PPP1R21: variants seen among roughly 807,000 people sequenced by gnomAD.
The protein encoded by PPP1R21 is KLRAQ motif containing 1.
Under a neutral mutation model 112.8 loss-of-function variants are expected in PPP1R21, and 85 were observed. The ratio of observed to expected loss-of-function variants is 0.75; its 90% confidence interval spans 0.63 to 0.90. PPP1R21 has a LOEUF of 0.90. Ranked by LOEUF, PPP1R21 falls within the 40% of genes least tolerant of loss-of-function variation. The pLI is 0.00. For synonymous variants in PPP1R21, 381 were observed against 322.3 expected (o/e 1.18, Z -1.95); for missense variants, 1,199 against 901.5 (o/e 1.33, Z -4.23).
intron 13 of PPP1R21, 85 bp from the exon 14 acceptor site, chr2:48,486,546 A>G (rs1669306169): frequency 2.0e-6 from 2 of 1,025,538 alleles, no homozygotes; most frequent in African/African-American, 1.6e-5. Flanking sequence ...ATTTAGAAGA[A>G]TAGATAGGAG....
intron 1 of PPP1R21, 28 bp from the exon 2 acceptor site, chr2:48,450,980 A>G (rs1667444277): frequency 1.2e-6 from 2 of 1,602,318 alleles, no homozygotes; most frequent in Non-Finnish European, 1.7e-6. Flanking sequence ...TTATATTAGA[A>G]ATTGATTATT....
intron 13 of PPP1R21, among the ~76,000 whole-genome samples, chr2:48,485,226 A>G (rs1488377309): frequency 2.0e-5 from 3 of 152,124 alleles, no homozygotes; most frequent in Admixed American, 6.5e-5. Context: ...GATGGGCTCA[A>G]TGGAAGCCCA....
chr2:48,483,239 C>T (rs888486193), intron 13 of PPP1R21, among the ~76,000 whole-genome samples: 1 of 107,470 alleles, frequency 9.3e-6, no homozygotes, highest in African/African-American at 3.6e-5. Flanking sequence ...CTCACTCTGT[C>T]ACCCAGGCTG....
At position 48,491,002 on chromosome 2, in the gene PPP1R21, GT is replaced by G; in HGVS notation, c.1447-15del. 1.2e-6 allele frequency: 2 copies of G among 1,609,726 alleles called. No individual in the cohort carries two copies. Among genetic ancestry groups the G allele is most frequent in the Non-Finnish European group, 1.7e-6 (2 of 1,176,284 alleles). On this transcript the variant is annotated splice_polypyrimidine_tract_variant and intron_variant, in intron 14 of 21. Transcript: ENST00000294952. ...GTTGGAAAACAAAATCTATTTCCTTGTCATACTTTGTTTAGATTGCATCCTT... is the reference window on the plus strand; with the variant it reads ...GTTGGAAAACAAAATCTATTTCCTTGCATACTTTGTTTAGATTGCATCCTT...
chr2:48,475,684 C>T (rs778751449), intron 12 of PPP1R21, among the ~76,000 whole-genome samples: 2 of 151,910 alleles, frequency 1.3e-5, no homozygotes, highest in African/African-American at 2.4e-5. Flanking sequence ...CTCATCTCTA[C>T]TAAAAATACA....
intron 1 of PPP1R21, among the ~76,000 whole-genome samples, chr2:48,441,828 A>C (rs1461741108): frequency 6.6e-6 from 1 of 152,262 alleles, no homozygotes; most frequent in African/African-American, 2.4e-5. Context: ...AATTGATTCA[A>C]CAGTCATTAA....
rs376618455 is a variant in PPP1R21, at chr2:48,510,021, G to A, written c.2092G>A (p.Ala698Thr). 10 of 1,612,180 alleles carry A rather than the reference G, an allele frequency of 6.2e-6. No homozygotes were observed. Among genetic ancestry groups the A allele is most frequent in the Non-Finnish European group, 8.5e-6 (10 of 1,178,790 alleles). ...KSVHFYAECRALSKRLALAEK... is the reference protein window; with the variant it reads ...KSVHFYAECRTLSKRLALAEK... ...ATGTTTTCTGATTTTACAGTGCCGA[G>A]CACTGTCTAAAAGACTGGCCTTGGC... The change falls in exon 20 of 22, where the codon GCA becomes ACA. Residue 698 changes from alanine to threonine, a missense_variant. Ala to Thr is a moderately conservative substitution (Grantham distance 58). Coordinates refer to ENST00000294952, the MANE Select transcript of PPP1R21 (RefSeq NM_001135629.3).
intron 13 of PPP1R21, 34 bp downstream of exon 13, chr2:48,480,050 T>G (rs1572865628): frequency 1.4e-6 from 2 of 1,384,208 alleles, no homozygotes; most frequent in Non-Finnish European, 2.1e-6. Context: ...GCTTAAAACC[T>G]TTGCCCCACT....
intron 12 of PPP1R21, chr2:48,479,361 C>T (rs934974508): frequency 2.5e-6 from 1 of 401,390 alleles, no homozygotes; most frequent in South Asian, 1.9e-5. Flanking sequence ...GGTTTAAATA[C>T]CGTAGCCTCT....
chr2:48,514,703 T>G lies in PPP1R21; in HGVS notation c.2314-12T>G. The G allele has an allele frequency of 6.3e-7, 1 of 1,584,650 alleles. No homozygotes were observed. Among genetic ancestry groups the G allele is most frequent in the Non-Finnish European group, 8.7e-7 (1 of 1,154,828 alleles). The stretch of plus-strand genomic sequence containing the variant: ...GTTTATGTTCTTATTGTTGATATTT[T>G]TCTTTGCACAGGGGAATTCTAAAAA... On this transcript the variant is annotated splice_polypyrimidine_tract_variant and intron_variant, in intron 21 of 21. Transcript: ENST00000294952.
At chr2:48,513,257 T>G (rs1295907460) in intron 21 of PPP1R21, among the ~76,000 whole-genome samples, 2 of 151,714 alleles carry the variant, frequency 1.3e-5, no homozygotes, top group African/African-American at 2.4e-5. Context: ...CAGGCTGGAG[T>G]GCAGTGGTGA....
intron 21 of PPP1R21, among the ~76,000 whole-genome samples, chr2:48,514,073 CTTTTTT>C (rs1225415838): frequency 6.7e-5 from 6 of 89,902 alleles, no homozygotes; most frequent in Non-Finnish European, 1.3e-4. Flanking sequence ...GAGACATGTT[CTTTTTT>C]TTTTTTTTTT....
At chr2:48,485,558 G>A (rs896459590) in intron 13 of PPP1R21, among the ~76,000 whole-genome samples, 4 of 151,806 alleles carry the variant, frequency 2.6e-5, no homozygotes, top group African/African-American at 9.7e-5. Flanking sequence ...AATCAAAGAC[G>A]TATTTATTAC....
intron 1 of PPP1R21, among the ~76,000 whole-genome samples, chr2:48,450,013 A>G (rs957615528): frequency 2.0e-5 from 3 of 152,338 alleles, no homozygotes; most frequent in African/African-American, 7.2e-5. Context: ...ATATAGATGT[A>G]TACATAAGTA....
chr2:48,477,021 A>G (rs1315740641), intron 12 of PPP1R21, among the ~76,000 whole-genome samples: 1 of 151,888 alleles, frequency 6.6e-6, no homozygotes, highest in African/African-American at 2.4e-5. Flanking sequence ...CTGCTGTCAA[A>G]TCTGAGGTTA....
intron 1 of PPP1R21, among the ~76,000 whole-genome samples, chr2:48,445,748 A>G (rs532172425): frequency 5.9e-5 from 9 of 152,356 alleles, no homozygotes; most frequent in Admixed American, 3.3e-4. Flanking sequence ...TTTGAGGCAG[A>G]TGTGAGTTTT....
chr2:48,484,073 C>A (rs933611975), intron 13 of PPP1R21, among the ~76,000 whole-genome samples: 2 of 152,214 alleles, frequency 1.3e-5, no homozygotes, highest in Non-Finnish European at 2.9e-5. Context: ...AAATCATAGG[C>A]TGTGACTCCT....
chr2:48,509,712 G>GA (rs1185949330), intron 19 of PPP1R21, among the ~76,000 whole-genome samples: 2 of 149,782 alleles, frequency 1.3e-5, no homozygotes, highest in Admixed American at 6.7e-5. Flanking sequence ...CTCAAAAAAA[G>GA]AAAAAAAAAG....
rs1467994524 is a variant in PPP1R21 at position 48,459,683 on chromosome 2, C to T, written c.376-71C>T. Reference sequence around the variant, plus strand: ...ATGTGGAAGTTGCTCAGTGAATAGTCACTGCTGTTATTTTTCTCATTTATG... The same window carrying T: ...ATGTGGAAGTTGCTCAGTGAATAGTTACTGCTGTTATTTTTCTCATTTATG... On this transcript the variant is annotated intron_variant, in intron 4 of 21. Transcript: ENST00000294952. The T allele has an allele frequency of 2.6e-6, 4 of 1,513,956 alleles. No individual in the cohort carries two copies. The East Asian group carries it at 6.9e-5, about 26-fold the overall frequency. The allele number at this position is 1,513,956 out of a possible 1,614,324, so 93.8% of individuals were successfully genotyped here.
Sources: allele counts gnomAD v4.1 joint callset (sites outside exome capture counted in the v4.1 genomes callset), GRCh38; gene constraint gnomAD v4.1.1; transcripts MANE v1.5; gene names NCBI Gene and HGNC (gene_info 2026-07-23, HGNC 2026-07-21).